Variants in NALCN observed in about 807,000 individuals in gnomAD.
NALCN encodes sodium leak channel NALCN.
Under a neutral mutation model 225.3 loss-of-function variants are expected in NALCN, and 111 were observed. That is an observed-to-expected ratio of 0.49 (90% CI 0.42 to 0.58). NALCN has a LOEUF of 0.58. Ranked by LOEUF, NALCN falls within the 20% of genes least tolerant of loss-of-function variation. NALCN has a pLI of 0.00. For missense variants in NALCN, 1,378 were observed against 2,202.4 expected (o/e 0.63, Z 7.49); for synonymous variants, 764 against 769.0 (o/e 0.99, Z 0.11).
chr13:101,397,835 G>C (rs1273546953), intron 2 of NALCN, among the ~76,000 whole-genome samples: 2 of 152,096 alleles, frequency 1.3e-5, no homozygotes, highest in Non-Finnish European at 2.9e-5. Flanking sequence ...AAAGAGAAGA[G>C]AGGTACATTC....
chr13:101,380,605 A>C (rs2046821375), intron 3 of NALCN, among the ~76,000 whole-genome samples: 1 of 152,126 alleles, frequency 6.6e-6, no homozygotes, highest in African/African-American at 2.4e-5. Flanking sequence ...AATAGAAATA[A>C]AATGTCAAGA....
chr13:101,356,060 ATT>A (rs774310821), intron 6 of NALCN, among the ~76,000 whole-genome samples: 1 of 152,210 alleles, frequency 6.6e-6, no homozygotes, highest in Middle Eastern at 3.2e-3. Context: ...TAAGAAGGAA[ATT>A]TATAGTACTA....
rs773376374 is a variant in NALCN at position 101,107,625 on chromosome 13, C to G, written c.2457-16G>C. 6.2e-7 allele frequency: 1 copy of G among 1,614,090 alleles called. No homozygotes were observed. The highest frequency in any genetic ancestry group is 1.1e-5 in the South Asian group (1 of 91,086). ...TTGCACTTTCCTTGAAGGAGAAATT[C>G]ATGGGAGAATGAGGCTAAGGGAAAT... On this transcript the variant is annotated splice_polypyrimidine_tract_variant and intron_variant, in intron 21 of 43. Transcript: ENST00000251127.
At chr13:101,135,660 C>T (rs2036748942) in intron 17 of NALCN, among the ~76,000 whole-genome samples, 1 of 152,160 alleles carries the variant, frequency 6.6e-6, no homozygotes, top group South Asian at 2.1e-4. Flanking sequence ...TCCCAAAGTG[C>T]TGGGATTATG....
intron 12 of NALCN, among the ~76,000 whole-genome samples, chr13:101,236,393 C>A (rs948118577): frequency 2.6e-5 from 4 of 152,094 alleles, no homozygotes; most frequent in African/African-American, 4.8e-5. Flanking sequence ...TACCATTTGA[C>A]CCAGCCATCC....
chr13:101,119,013 G>A lies in NALCN; in HGVS notation c.2192+5595C>T, dbSNP rs144114993. Among the ~76,000 whole-genome samples the A allele has an allele frequency of 1.4e-3, 210 of 152,228 alleles. 1 individual carries two copies. Among genetic ancestry groups the A allele is most frequent in the African/African-American group, 4.3e-3 (178 of 41,550 alleles). Reference sequence around the variant, plus strand: ...GTTGCTGAATAGCTGGCTAACCTATGGAACAATAATTATAAAAGGAGAACT... The same window carrying A: ...GTTGCTGAATAGCTGGCTAACCTATAGAACAATAATTATAAAAGGAGAACT... On this transcript the variant is annotated intron_variant, in intron 18 of 43. Coordinates refer to ENST00000251127, the MANE Select transcript of NALCN (RefSeq NM_052867.4).
Position 101,089,757 on chromosome 13 carries a change from T to C in NALCN, c.3395A>G (p.His1132Arg). 1 of 1,614,024 alleles carries C rather than the reference T, an allele frequency of 6.2e-7. No homozygotes were observed. The highest frequency in any genetic ancestry group is 8.5e-7 in the Non-Finnish European group (1 of 1,179,914). The change falls in exon 30 of 44, where the codon CAT (histidine) becomes CGT (arginine). Residue 1132 changes from histidine (H) to arginine (R), a missense_variant. His to Arg is a conservative substitution (Grantham distance 29, BLOSUM62 0). Transcript: ENST00000251127. The surrounding 1 kb of genome is among the most constrained non-coding windows in gnomAD (Gnocchi z 4.7). Reference protein sequence around the residue: ...DVIIHRVGPIHGIYIHVFVFL... With the variant: ...DVIIHRVGPIRGIYIHVFVFL... ...TACAAAAACATGAATATAGATTCCA[T>C]GGATCTGCATAAAGGAAAATATGGT...
At chr13:101,083,381 T>C (rs932832546) in intron 31 of NALCN, among the ~76,000 whole-genome samples, 183 bp from the exon 32 acceptor site, 2 of 152,250 alleles carry the variant, frequency 1.3e-5, no homozygotes, top group African/African-American at 4.8e-5. Context: ...CAGTGCATGA[T>C]GCCGTCTATA....
intron 3 of NALCN, among the ~76,000 whole-genome samples, chr13:101,394,630 T>C (rs2047232058): frequency 6.6e-6 from 1 of 152,222 alleles, no homozygotes; most frequent in South Asian, 2.1e-4. Context: ...TTTTAAAACA[T>C]TTTATATCTA....
At chr13:101,227,787 C>T (rs1316669058) in intron 13 of NALCN, among the ~76,000 whole-genome samples, 1 of 152,172 alleles carries the variant, frequency 6.6e-6, no homozygotes, top group African/African-American at 2.4e-5. Flanking sequence ...ACACTTTCAA[C>T]CGACTTCAGA....
chr13:101,111,791 T>G (rs1211328354), intron 18 of NALCN, among the ~76,000 whole-genome samples: 1 of 152,192 alleles, frequency 6.6e-6, no homozygotes, highest in Non-Finnish European at 1.5e-5. Context: ...CTGCTATGAT[T>G]GTGAGGCCTC....
chr13:101,348,426 G>A (rs549225460), intron 6 of NALCN, among the ~76,000 whole-genome samples: 73 of 152,242 alleles, frequency 4.8e-4, no homozygotes, highest in African/African-American at 1.4e-3. Context: ...TTTGAAAGTT[G>A]TAGATTTCCT....
At chr13:101,077,499 CT>C (rs1468659098) in intron 34 of NALCN, among the ~76,000 whole-genome samples, 4 of 152,056 alleles carry the variant, frequency 2.6e-5, no homozygotes, top group Admixed American at 2.6e-4. Flanking sequence ...AGATGAGGAA[CT>C]TATTGGGAAC....
At chr13:101,113,091 C>A (rs1485851209) in intron 18 of NALCN, among the ~76,000 whole-genome samples, 1 of 152,088 alleles carries the variant, frequency 6.6e-6, no homozygotes, top group African/African-American at 2.4e-5. Context: ...TGGAAACAAA[C>A]CCTAAATAAT....
At chr13:101,059,735 G>C in intron 42 of NALCN, 83 bp downstream of exon 42, 1 of 1,276,182 alleles carries the variant, frequency 7.8e-7, no homozygotes, top group Non-Finnish European at 1.1e-6. Context: ...TGAATGATCT[G>C]ACCAGCACCC....
In NALCN at chr13:101,321,049, T is replaced by C. The variant is rs71441505; in HGVS notation, c.799+24217A>G. Among the ~76,000 whole-genome samples, 273 of 117,196 alleles carry C rather than the reference T, an allele frequency of 2.3e-3. 1 individual carries two copies. Among genetic ancestry groups the C allele is most frequent in the Non-Finnish European group, 4.4e-3 (226 of 50,930 alleles). The allele number at this position is 117,196 out of a possible 152,430, so 76.9% of individuals were successfully genotyped here. A position where few individuals can be genotyped will look rare whatever the true frequency, so the allele number is the denominator to read the frequency against. On this transcript the variant is annotated intron_variant, in intron 7 of 43. Coordinates refer to ENST00000251127, the MANE Select transcript of NALCN (RefSeq NM_052867.4). ...TGACAAAGTCATTCTTGATTCTCTA[T>C]TGCCCATAAATGTCTGTGAAATTCC...
chr13:101,072,723 G>T (rs1246387144), intron 37 of NALCN, among the ~76,000 whole-genome samples: 3 of 152,162 alleles, frequency 2.0e-5, no homozygotes. Context: ...ACTGACAGTT[G>T]AGTGCTGTGC....
Position 101,399,018 on chromosome 13 carries a change from C to A in NALCN, c.108+1G>T, listed in dbSNP as rs778341855. 6.5e-7 allele frequency: 1 copy of A among 1,544,758 alleles called. No individual in the cohort carries two copies. Among genetic ancestry groups the A allele is most frequent in the South Asian group, 1.1e-5 (1 of 89,662 alleles). On this transcript the variant is annotated splice_donor_variant, in intron 2 of 43. Coordinates refer to ENST00000251127, the MANE Select transcript of NALCN (RefSeq NM_052867.4). LOFTEE classifies it high-confidence loss of function. ...TCTCCATACTCAAAGAAGAAACTTA[C>A]TGGTTTGTTAATCCAGAGGATGTCA...
At chr13:101,248,492 T>C (rs892988126) in intron 11 of NALCN, among the ~76,000 whole-genome samples, 6 of 152,188 alleles carry the variant, frequency 3.9e-5, no homozygotes, top group Non-Finnish European at 8.8e-5. Context: ...TGGTAGTTTA[T>C]GGCAATGAGA....
Sources: gnomAD v4.1 joint callset for allele counts (sites outside exome capture counted in the v4.1 genomes callset) on GRCh38, gnomAD v4.1.1 for gene constraint, Gnocchi (gnomAD v3.1) non-coding constraint, MANE v1.5 for transcripts, NCBI Gene and HGNC (gene_info 2026-07-23, HGNC 2026-07-21) for gene names.